Variants in SMIM31 observed in about 807,000 individuals in gnomAD.
SMIM31 encodes small integral membrane protein 31.
intron 2 of SMIM31, among the ~76,000 whole-genome samples, chr4:164,783,506 A>G (rs909134689): frequency 6.8e-6 from 1 of 147,836 alleles, no homozygotes. Flanking sequence ...CCTGGGTGCC[A>G]GAGCAAGATT....
intron 1 of SMIM31, among the ~76,000 whole-genome samples, chr4:164,763,084 A>T (rs1471482207): frequency 6.6e-6 from 1 of 152,364 alleles, no homozygotes; most frequent in African/African-American, 2.4e-5. Flanking sequence ...ACAACATTAT[A>T]TACAGTGTAT....
intron 2 of SMIM31, among the ~76,000 whole-genome samples, chr4:164,778,221 C>T (rs965342929): frequency 6.6e-6 from 1 of 151,966 alleles, no homozygotes; most frequent in African/African-American, 2.4e-5. Flanking sequence ...GACCTCATCT[C>T]TATTTAAAAA....
intron 2 of SMIM31, among the ~76,000 whole-genome samples, chr4:164,794,578 G>A (rs908465607): frequency 2.2e-4 from 34 of 151,974 alleles, no homozygotes; most frequent in Non-Finnish European, 4.1e-4. Flanking sequence ...AGGCCAAGGC[G>A]GGTGGATCAC....
chr4:164,772,609 C>T (rs375794289), intron 2 of SMIM31, among the ~76,000 whole-genome samples: 20 of 146,256 alleles, frequency 1.4e-4, no homozygotes, highest in African/African-American at 3.0e-4. Context: ...GACGGAGTCT[C>T]GCTCTGTCGC....
intron 2 of SMIM31, among the ~76,000 whole-genome samples, chr4:164,772,575 T>TTTTAA (rs1732820102): frequency 1.3e-5 from 1 of 74,896 alleles, no homozygotes; most frequent in Non-Finnish European, 3.2e-5. Flanking sequence ...ATTTTTTTTA[T>TTTTAA]TTTTATTTTA....
At chr4:164,762,679 AAAAAGAAAAAGAAAAAG>A in intron 1 of SMIM31, among the ~76,000 whole-genome samples, 1 of 133,464 alleles carries the variant, frequency 7.5e-6, no homozygotes, top group African/African-American at 2.9e-5. Flanking sequence ...AAAAAAAAAA[AAAAAGAAAAAGAAAAAG>A]AAAAAGAAAG....
Position 164,771,501 on chromosome 4 carries a change from A to C in SMIM31, c.112+946A>C, listed in dbSNP as rs192401649. On this transcript the variant is annotated intron_variant, in intron 2 of 2. Transcript: ENST00000507311. ...CCTTGGTTCTTTCCATCTTCGACAT[A>C]AATTTTAAAGAATCCACTTGCTGGG... 9.7e-3 allele frequency among the ~76,000 whole-genome samples: 1,473 copies of C among 152,242 alleles called. 38 individuals carry two copies. The highest frequency in any genetic ancestry group is 8.5e-3 in the Non-Finnish European group (577 of 68,010).
At position 164,801,218 on chromosome 4, in the gene SMIM31, G is replaced by A. The variant is rs941074241; in HGVS notation, c.*24G>A. The stretch of plus-strand genomic sequence containing the variant: ...GATCTCATAGCCACCGATATTTCTC[G>A]CTAAGAAGACAGAGGAAGCAATCCA... On this transcript the variant is annotated 3_prime_UTR_variant, in exon 3 of 3. Coordinates refer to ENST00000507311, the MANE Select transcript of SMIM31 (RefSeq NM_001352885.1). The A allele has an allele frequency of 3.3e-5, 13 of 398,664 alleles. No individual in the cohort carries two copies. Among genetic ancestry groups the A allele is most frequent in the African/African-American group, 4.1e-5 (2 of 48,592 alleles). The allele number at this position is 398,664 out of a possible 1,614,324, so 24.7% of individuals were successfully genotyped here.
At position 164,785,060 on chromosome 4, in the gene SMIM31, C is replaced by A. The variant is rs182094408; in HGVS notation, c.112+14505C>A. ...GCAACGTGGCAAAACCTTGTCTCTA[C>A]TAAAAATACAAAAAAGTTAGCCGGG... On this transcript the variant is annotated intron_variant, in intron 2 of 2. Coordinates refer to ENST00000507311, the MANE Select transcript of SMIM31 (RefSeq NM_001352885.1). Among the ~76,000 whole-genome samples the A allele has an allele frequency of 2.7e-4, 41 of 151,672 alleles. No individual in the cohort carries two copies. In the East Asian group the frequency reaches 6.8e-3, roughly 25 times the overall value.
intron 2 of SMIM31, among the ~76,000 whole-genome samples, chr4:164,786,800 A>T (rs1216073516): frequency 6.6e-6 from 1 of 152,250 alleles, no homozygotes; most frequent in Admixed American, 6.5e-5. Context: ...ACATTGGGTC[A>T]AAAGGCTTAC....
chr4:164,788,446 C>T (rs1322459833), intron 2 of SMIM31, among the ~76,000 whole-genome samples: 3 of 131,920 alleles, frequency 2.3e-5, no homozygotes, highest in Admixed American at 1.6e-4. Context: ...GTGGCCAATC[C>T]GAATCTATAA....
intron 2 of SMIM31, among the ~76,000 whole-genome samples, chr4:164,796,751 C>T (rs561815043): frequency 1.4e-4 from 22 of 152,322 alleles, no homozygotes; most frequent in Middle Eastern, 6.8e-3. Flanking sequence ...TCAAAATACA[C>T]CCAGAATTTG....
chr4:164,788,046 A>C (rs907961968), intron 2 of SMIM31, among the ~76,000 whole-genome samples: 1 of 152,180 alleles, frequency 6.6e-6, no homozygotes, highest in African/African-American at 2.4e-5. Flanking sequence ...TCAGTTTTAC[A>C]CAATATATAT....
At chr4:164,756,571 CA>C (rs571152447) in intron 1 of SMIM31, among the ~76,000 whole-genome samples, 9 of 130,504 alleles carry the variant, frequency 6.9e-5, no homozygotes, top group South Asian at 2.5e-4. Flanking sequence ...GACTCTGTCT[CA>C]AAAAAAAAAT....
chr4:164,765,129 A>C (rs1579061868), intron 1 of SMIM31, among the ~76,000 whole-genome samples: 1 of 152,354 alleles, frequency 6.6e-6, no homozygotes, highest in East Asian at 1.9e-4. Context: ...TTTTGTTCAG[A>C]GTTTGACCAG....
intron 2 of SMIM31, among the ~76,000 whole-genome samples, chr4:164,793,099 A>C (rs6847055): frequency 0.018 from 2,740 of 152,328 alleles, 41 homozygotes; most frequent in African/African-American, 0.044. Context: ...TTAAGCAAAT[A>C]TACACAGGAA....
In SMIM31 at chr4:164,761,377, A is replaced by T. The variant is rs576412171; in HGVS notation, c.-26+6966A>T. Among the ~76,000 whole-genome samples, 53 of 152,320 alleles carry T rather than the reference A, an allele frequency of 3.5e-4. No homozygotes were observed. In the South Asian group the frequency reaches 0.011, roughly 30 times the overall value. On this transcript the variant is annotated intron_variant, in intron 1 of 2. Coordinates refer to ENST00000507311, the MANE Select transcript of SMIM31 (RefSeq NM_001352885.1). ...AGTCATTCATCCTTATCTTAAAAAA[A>T]TTCATAAATCACCTTTGAACCTTGG...
At chr4:164,775,290 C>T (rs554228613) in intron 2 of SMIM31, among the ~76,000 whole-genome samples, 2 of 152,330 alleles carry the variant, frequency 1.3e-5, no homozygotes, top group East Asian at 3.9e-4. Context: ...TGGACAAATA[C>T]AGACCTTTCC....
intron 2 of SMIM31, among the ~76,000 whole-genome samples, chr4:164,800,732 T>A (rs970312721): frequency 3.3e-5 from 5 of 152,184 alleles, no homozygotes; most frequent in African/African-American, 9.7e-5. Context: ...TCTGTCTTTA[T>A]ATGTGACATG....
Sources: allele counts gnomAD v4.1 joint callset (sites outside exome capture counted in the v4.1 genomes callset), GRCh38; gene constraint gnomAD v4.1.1; transcripts MANE v1.5; gene names NCBI Gene and HGNC (gene_info 2026-07-23, HGNC 2026-07-21).